Variants in KAZN observed in about 807,000 individuals in gnomAD.
The protein encoded by KAZN is kazrin, periplakin interacting protein.
KAZN carries 40 observed loss-of-function variants against 87.4 expected under a neutral mutation model. That is an observed-to-expected ratio of 0.46 (90% CI 0.36 to 0.60). The LOEUF (loss-of-function observed/expected upper bound fraction) is 0.60, where lower values mean the gene tolerates loss of function less well. Ranked by LOEUF, KAZN falls within the 20% of genes least tolerant of loss-of-function variation. The pLI is 0.00. For synonymous variants in KAZN, 466 were observed against 458.3 expected (o/e 1.02, Z -0.22); for missense variants, 898 against 1,073.9 (o/e 0.84, Z 2.29).
At chr1:14,946,423 T>C (rs148550320) in intron 1 of KAZN, among the ~76,000 whole-genome samples, 5,142 of 151,528 alleles carry the variant, frequency 0.034, 127 homozygotes, top group Middle Eastern at 0.068. Context: ...CTACAACCTC[T>C]GCCTCCCGGG....
intron 2 of KAZN, among the ~76,000 whole-genome samples, chr1:14,212,866 G>A (rs1218632441): frequency 1.3e-5 from 2 of 152,144 alleles, no homozygotes; most frequent in African/African-American, 4.8e-5. Context: ...TTGATTTTAT[G>A]CAATGCAAAT....
At chr1:14,460,786 C>G (rs964000539) in intron 2 of KAZN, among the ~76,000 whole-genome samples, 1 of 152,190 alleles carries the variant, frequency 6.6e-6, no homozygotes, top group African/African-American at 2.4e-5. Context: ...CACTTTCCCA[C>G]GGCATTTTAC....
intron 2 of KAZN, among the ~76,000 whole-genome samples, chr1:14,397,362 G>T (rs1274170390): frequency 6.6e-6 from 1 of 152,114 alleles, no homozygotes; most frequent in Non-Finnish European, 1.5e-5. Context: ...TTCTCATTGT[G>T]TCCTCATATG....
Position 14,689,992 on chromosome 1 carries a change from C to T in KAZN, c.226+90769C>T, listed in dbSNP as rs16850721. 3.4e-3 allele frequency among the ~76,000 whole-genome samples: 523 copies of T among 152,270 alleles called. 4 individuals carry two copies. Among genetic ancestry groups the T allele is most frequent in the African/African-American group, 0.012 (499 of 41,556 alleles). On this transcript the variant is annotated intron_variant, in intron 1 of 14. Transcript: ENST00000376030. ...CCATCTTCTCTGTGGGAATCAGTCA[C>T]GGGATAAGCTGGTTGGGGTTCCTAA...
In KAZN at chr1:15,099,115, G is replaced by A. The variant is rs1640931466; in HGVS notation, c.1548-2428G>A. ...TCCATAGGAGTTCACTGGGGGAAGA[G>A]GGTGGGGTAGAGGACAGGCCCGGAG... On this transcript the variant is annotated intron_variant, in intron 10 of 14. Transcript: ENST00000376030. The surrounding 1 kb of genome is among the most constrained non-coding windows in gnomAD (Gnocchi z 5.4). 6.6e-6 allele frequency among the ~76,000 whole-genome samples: 1 copy of A among 152,196 alleles called. No homozygotes were observed.
At chr1:14,251,690 A>G (rs1289164508) in intron 2 of KAZN, among the ~76,000 whole-genome samples, 8 of 125,998 alleles carry the variant, frequency 6.3e-5, no homozygotes, top group Non-Finnish European at 1.1e-4. Flanking sequence ...TCACTCTGTC[A>G]CCAGGCTAAG....
At chr1:14,958,223 G>T (rs952144243) in intron 1 of KAZN, among the ~76,000 whole-genome samples, 2 of 152,226 alleles carry the variant, frequency 1.3e-5, no homozygotes, top group Non-Finnish European at 2.9e-5. Flanking sequence ...CGAGGGTAGG[G>T]CATCTAGGAA....
At chr1:15,031,257 C>T (rs1671664709) in intron 2 of KAZN, among the ~76,000 whole-genome samples, 1 of 152,236 alleles carries the variant, frequency 6.6e-6, no homozygotes, top group South Asian at 2.1e-4. Context: ...CCACTCTGGC[C>T]TTGTCAGGCT....
chr1:14,784,362 T>A (rs115300075), intron 1 of KAZN, among the ~76,000 whole-genome samples: 1 of 152,156 alleles, frequency 6.6e-6, no homozygotes, highest in Admixed American at 6.5e-5. Flanking sequence ...CAAGTTGACA[T>A]TGAAAACTGA....
intron 1 of KAZN, among the ~76,000 whole-genome samples, chr1:14,057,808 T>A (rs1264292818): frequency 1.3e-5 from 2 of 152,126 alleles, no homozygotes; most frequent in East Asian, 3.9e-4. Flanking sequence ...AGGGCAAGGA[T>A]GTTTTGCTGT....
chr1:14,301,372 C>T (rs1474379003), intron 2 of KAZN, among the ~76,000 whole-genome samples: 1 of 152,244 alleles, frequency 6.6e-6, no homozygotes, highest in African/African-American at 2.4e-5. Flanking sequence ...CGGATTCCTT[C>T]CTCTAACTCC....
intron 8 of KAZN, among the ~76,000 whole-genome samples, chr1:15,080,858 G>A (rs149853511): frequency 1.3e-5 from 2 of 152,130 alleles, no homozygotes; most frequent in East Asian, 1.9e-4. Flanking sequence ...TGCTGGGGAC[G>A]CTGGGAGCAG....
intron 1 of KAZN, among the ~76,000 whole-genome samples, chr1:14,775,126 G>A (rs568154167): frequency 1.3e-5 from 2 of 152,300 alleles, no homozygotes; most frequent in South Asian, 2.1e-4. Flanking sequence ...AAATCACCTC[G>A]TTTGACCCTC....
chr1:15,036,006 T>A (rs1244705365), intron 3 of KAZN, among the ~76,000 whole-genome samples: 1 of 151,988 alleles, frequency 6.6e-6, no homozygotes, highest in African/African-American at 2.4e-5. Context: ...TGGATTTGAA[T>A]CTAGATGCTT....
chr1:14,856,254 G>A lies in KAZN; in HGVS notation c.227-104430G>A, dbSNP rs368947912. The stretch of plus-strand genomic sequence containing the variant: ...GAAGACCAGAAATAACTTTCCCCAC[G>A]TGCATTATTAAGTGAATGTGAAGAA... On this transcript the variant is annotated intron_variant, in intron 1 of 14. Coordinates refer to ENST00000376030, the MANE Select transcript of KAZN (RefSeq NM_201628.3). This position sits in a 1 kb window ranked among gnomAD's most constrained non-coding sequence, Gnocchi z 5.2. 3.3e-5 allele frequency among the ~76,000 whole-genome samples: 5 copies of A among 152,258 alleles called. No individual in the cohort carries two copies. The highest frequency in any genetic ancestry group is 2.1e-4 in the South Asian group (1 of 4,816).
chr1:14,930,048 C>T lies in KAZN; in HGVS notation c.227-30636C>T, dbSNP rs527948712. The T allele has an allele frequency of 3.2e-5, 32 of 985,560 alleles. No homozygotes were observed. In the East Asian group the frequency reaches 1.9e-3, roughly 59 times the overall value. The allele number at this position is 985,560 out of a possible 1,614,324, so 61.1% of individuals were successfully genotyped here. On this transcript the variant is annotated intron_variant, in intron 1 of 14. Coordinates refer to ENST00000376030, the MANE Select transcript of KAZN (RefSeq NM_201628.3). Reference sequence around the variant, plus strand: ...CGGAACCAGAAGAGTGTGACAGGTACGTGAGTGCTGGCCGCTGTCCCAGCC... The same window carrying T: ...CGGAACCAGAAGAGTGTGACAGGTATGTGAGTGCTGGCCGCTGTCCCAGCC...
chr1:15,058,010 G>A (rs1638453465), intron 5 of KAZN, among the ~76,000 whole-genome samples: 1 of 152,158 alleles, frequency 6.6e-6, no homozygotes, highest in South Asian at 2.1e-4. Flanking sequence ...CCATCTCCAT[G>A]CATTTTATCA....
At chr1:14,089,168 T>G (rs1411733489) in intron 1 of KAZN, among the ~76,000 whole-genome samples, 1 of 151,980 alleles carries the variant, frequency 6.6e-6, no homozygotes, top group Non-Finnish European at 1.5e-5. Flanking sequence ...TCTTTTAAAA[T>G]TTTTCTATTT....
At position 14,509,505 on chromosome 1, in the gene KAZN, G is replaced by T. The variant is rs886230656; in HGVS notation, c.250-89478G>T. ...CGCATGTGAAGCCTCCTTTGACAAT[G>T]TTCTATCTGAAATGACATCAGAGAG... On this transcript the variant is annotated intron_variant, in intron 2 of 16. Coordinates refer to the KAZN transcript ENST00000636203. 4.6e-5 allele frequency among the ~76,000 whole-genome samples: 7 copies of T among 152,316 alleles called. No homozygotes were observed. The East Asian group carries it at 1.2e-3, about 25-fold the overall frequency.
Sources: allele counts gnomAD v4.1 joint callset (sites outside exome capture counted in the v4.1 genomes callset), GRCh38; gene constraint gnomAD v4.1.1; non-coding constraint Gnocchi (gnomAD v3.1); transcripts MANE v1.5; gene names NCBI Gene and HGNC (gene_info 2026-07-23, HGNC 2026-07-21).